The following ACAD10 variants were observed in gnomAD, a reference collection of about 807,000 sequenced individuals.
ACAD10 encodes acyl-CoA dehydrogenase family member 10.
Under a neutral mutation model 116.8 loss-of-function variants are expected in ACAD10, and 112 were observed. The observed-to-expected ratio is 0.96, with a 90% CI of 0.82 to 1.12. The LOEUF is 1.12. Among genes scored for constraint, ACAD10 ranks in the 50% most tolerant of loss-of-function variants. The pLI is 0.00. For missense variants in ACAD10, 1,259 were observed against 1,350.2 expected, an observed-to-expected ratio of 0.93 and a Z score of 1.06; for synonymous variants, 486 against 510.6, an observed-to-expected ratio of 0.95 and a Z score of 0.65.
chr12:111,734,073 G>A lies in ACAD10; in HGVS notation c.1540+5G>A. ...CCAGTTTTCCCGTGCTGAGAGGTAG[G>A]AACTGCTGCTGGAGGATAGTGGGGG... On this transcript the variant is annotated splice_donor_5th_base_variant and intron_variant, in intron 11 of 20. Transcript: ENST00000313698. The A allele has an allele frequency of 6.2e-7, 1 of 1,614,168 alleles. No individual in the cohort carries two copies. The highest frequency in any genetic ancestry group is 8.5e-7 in the Non-Finnish European group (1 of 1,180,022).
intron 1 of ACAD10, chr12:111,688,319 A>G (rs1033244233): frequency 1.3e-4 from 20 of 152,156 alleles, no homozygotes; most frequent in African/African-American, 4.3e-4. Context: ...AGTTTCAAAT[A>G]TTGCCCCCAA....
chr12:111,721,554 C>G lies in ACAD10; in HGVS notation c.993-117C>G, dbSNP rs752499567. The G allele has an allele frequency of 4.3e-6, 4 of 926,616 alleles. No individual in the cohort carries two copies. The East Asian group carries it at 8.1e-5, about 19-fold the overall frequency. The allele number at this position is 926,616 out of a possible 1,614,324, so 57.4% of individuals were successfully genotyped here. ...CTGCACTCCAGCCTGGGTAACAGAG[C>G]GAGACTGTGTCTCAAAAAACAAAAC... is the stretch of plus-strand genomic sequence containing the variant. On this transcript the variant is annotated intron_variant, in intron 7 of 20. Transcript: ENST00000313698.
At chr12:111,750,081 A>C (rs1890030241) in intron 18 of ACAD10, among the ~76,000 whole-genome samples, 1 of 148,854 alleles carries the variant, frequency 6.7e-6, no homozygotes, top group East Asian at 2.1e-4. Flanking sequence ...CAAAAAAAAG[A>C]AAAAGTTTTT....
chr12:111,694,139 G>A lies in ACAD10; in HGVS notation c.187+1243G>A, dbSNP rs183320805. 1.0e-3 allele frequency among the ~76,000 whole-genome samples: 155 copies of A among 152,270 alleles called. 2 individuals carry two copies. Among genetic ancestry groups the A allele is most frequent in the Admixed American group, 8.6e-3 (132 of 15,284 alleles). ...CCAGGCACAGGTTTTCTATGCCTGC[G>A]TGTCTAGGCTTTCCAGCACTGCTGA... is the stretch of plus-strand genomic sequence containing the variant. On this transcript the variant is annotated intron_variant, in intron 2 of 20. Transcript: ENST00000313698.
At chr12:111,750,734 A>G (rs1303636743) in intron 18 of ACAD10, among the ~76,000 whole-genome samples, 2 of 152,134 alleles carry the variant, frequency 1.3e-5, no homozygotes, top group African/African-American at 2.4e-5. Flanking sequence ...TACCACCCCC[A>G]AAGTTTGGAA....
rs887879860 is a variant in ACAD10, at chr12:111,703,901, C to T, written c.336+1591C>T. Reference sequence around the variant, plus strand: ...AATTTTGTGTTACATATATTTTCCACAATTTATATATATATATATATATAA... The same window carrying T: ...AATTTTGTGTTACATATATTTTCCATAATTTATATATATATATATATATAA... On this transcript the variant is annotated intron_variant, in intron 3 of 20. Coordinates refer to ENST00000313698, the MANE Select transcript of ACAD10 (RefSeq NM_025247.6). 2.1e-5 allele frequency among the ~76,000 whole-genome samples: 3 copies of T among 145,716 alleles called. No individual in the cohort carries two copies. The Admixed American group carries it at 2.1e-4, about 10-fold the overall frequency.
At chr12:111,737,485 C>T (rs1889603138) in intron 12 of ACAD10, among the ~76,000 whole-genome samples, 1 of 152,166 alleles carries the variant, frequency 6.6e-6, no homozygotes, top group Admixed American at 6.5e-5. Flanking sequence ...CCATGCCCAG[C>T]CTCTTTACAA....
intron 8 of ACAD10, among the ~76,000 whole-genome samples, chr12:111,723,373 A>AC (rs1324084083): frequency 6.0e-4 from 55 of 92,002 alleles, no homozygotes; most frequent in Non-Finnish European, 5.6e-4. Flanking sequence ...CGGGGGGCTG[A>AC]CCCCCCCACC....
chr12:111,723,314 G>T (rs1415972829), intron 8 of ACAD10, among the ~76,000 whole-genome samples: 3 of 132,606 alleles, frequency 2.3e-5, no homozygotes, highest in Non-Finnish European at 4.9e-5. Flanking sequence ...CTGGCCGGGC[G>T]GGGGGGCTGA....
intron 12 of ACAD10, among the ~76,000 whole-genome samples, chr12:111,737,680 G>C (rs1368625058): frequency 1.3e-5 from 2 of 152,094 alleles, no homozygotes; most frequent in South Asian, 4.2e-4. Flanking sequence ...CAGTTTTTCT[G>C]TTTATCTGTC....
intron 10 of ACAD10, 36 bp downstream of exon 10, chr12:111,729,992 G>A (rs1161334252): frequency 1.2e-6 from 2 of 1,604,574 alleles, no homozygotes; most frequent in Admixed American, 3.4e-5. Context: ...AAAAATGACA[G>A]CAAGGATGCT....
At chr12:111,722,360 G>A (rs529264654) in intron 8 of ACAD10, among the ~76,000 whole-genome samples, 7 of 148,474 alleles carry the variant, frequency 4.7e-5, no homozygotes, top group Admixed American at 6.6e-5. Context: ...CACCGTGCCC[G>A]GCCCTAAACT....
At chr12:111,749,083 C>A in intron 17 of ACAD10, 90 bp from the exon 18 acceptor site, 1 of 1,613,524 alleles carries the variant, frequency 6.2e-7, no homozygotes, top group Non-Finnish European at 8.5e-7. Flanking sequence ...GGGACATTGC[C>A]AGCAGATAAC....
At chr12:111,754,709 C>T (rs1890161188) in intron 19 of ACAD10, among the ~76,000 whole-genome samples, 1 of 152,204 alleles carries the variant, frequency 6.6e-6, no homozygotes, top group Non-Finnish European at 1.5e-5. Flanking sequence ...GAACACCCTG[C>T]CCCAGGGCAG....
chr12:111,729,868 A>C lies in ACAD10; in HGVS notation c.1306A>C (p.Thr436Pro). ...GCAGTATCGAGCTTCCGAAACTAGC[A>C]CCATCCCAGCCATGGAGAGGCTGAT... ...VKQYRASETS[T>P]IPAMERLIEW... The change falls in exon 10 of 21, where the codon ACC (threonine) becomes CCC (proline). Residue 436 changes from threonine to proline, a missense_variant. By Grantham distance (38) the Thr-to-Pro change is conservative. Coordinates refer to ENST00000313698, the MANE Select transcript of ACAD10 (RefSeq NM_025247.6). The C allele has an allele frequency of 6.2e-7, 1 of 1,614,088 alleles. No individual in the cohort carries two copies. The highest frequency in any genetic ancestry group is 1.3e-5 in the African/African-American group (1 of 75,022).
At chr12:111,724,871 A>G (rs941531278) in intron 8 of ACAD10, among the ~76,000 whole-genome samples, 3 of 146,048 alleles carry the variant, frequency 2.1e-5, no homozygotes, top group African/African-American at 7.7e-5. Context: ...AGAGAGGGAG[A>G]GGGAGACCGT....
Position 111,729,897 on chromosome 12 carries a change from A to G in ACAD10, c.1335A>G (p.Glu445=). 1 of 1,614,130 alleles carries G rather than the reference A, an allele frequency of 6.2e-7. No individual in the cohort carries two copies. The highest frequency in any genetic ancestry group is 2.2e-5 in the East Asian group (1 of 44,880). The change falls in exon 10 of 21, where the codon GAA becomes GAG. Residue 445 remains glutamate, a synonymous_variant. Transcript: ENST00000313698. ...STIPAMERLI[E]WLPLHLPRQQ... is the part of the protein sequence containing the mutation. The stretch of plus-strand genomic sequence containing the variant: ...TCCCAGCCATGGAGAGGCTGATCGA[A>G]TGGCTGCCCCTCCATCTTCCCCGTC...
intron 2 of ACAD10, 65 bp downstream of exon 2, chr12:111,692,961 G>A (rs560241654): frequency 1.5e-5 from 23 of 1,561,086 alleles, no homozygotes; most frequent in African/African-American, 9.4e-5. Context: ...GAGGGTGATC[G>A]GGAAGGCAGA....
chr12:111,723,342 C>G (rs1323942646), intron 8 of ACAD10, among the ~76,000 whole-genome samples: 1 of 140,184 alleles, frequency 7.1e-6, no homozygotes, highest in East Asian at 2.2e-4. Context: ...ACCTCCCTCC[C>G]AGACGGGGCG....
Sources: gnomAD v4.1 joint callset for allele counts (sites outside exome capture counted in the v4.1 genomes callset) on GRCh38, gnomAD v4.1.1 for gene constraint, MANE v1.5 for transcripts, NCBI Gene and HGNC (gene_info 2026-07-23, HGNC 2026-07-21) for gene names.